Variants in TBCCD1 observed in about 807,000 individuals in gnomAD.
TBCCD1 encodes the protein TBCC domain-containing protein 1.
TBCCD1 carries 26 observed loss-of-function variants against 53.4 expected under a neutral mutation model. The ratio of observed to expected loss-of-function variants is 0.49; its 90% CI spans 0.36 to 0.68. The LOEUF (loss-of-function observed/expected upper bound fraction) is 0.68, where lower values mean the gene tolerates loss of function less well. Ranked by LOEUF, TBCCD1 falls within the 30% of genes least tolerant of loss-of-function variation. The pLI is 0.00. For synonymous variants in TBCCD1, 245 were observed against 241.7 expected (o/e 1.01, Z -0.13); for missense variants, 558 against 669.5 (o/e 0.83, Z 1.84).
chr3:186,554,960 C>T lies in TBCCD1; in HGVS notation c.984G>A (p.Ala328=), dbSNP rs1317670508. ...QTLAKSSDTL[A]GAHVKIHRCN... is the part of the protein sequence containing the mutation. The stretch of plus-strand genomic sequence containing the variant: ...AACGATGAATCTTTACATGTGCCCC[C>T]GCCAGAGTGTCTGAGCTCTTAGCCA... The change falls in exon 5 of 8, where the codon GCG becomes GCA. Residue 328 remains alanine, a synonymous_variant. Coordinates refer to ENST00000338733, the MANE Select transcript of TBCCD1 (RefSeq NM_018138.5). 6.2e-7 allele frequency: 1 copy of T among 1,613,852 alleles called. No homozygotes were observed. Among genetic ancestry groups the T allele is most frequent in the Non-Finnish European group, 8.5e-7 (1 of 1,180,012 alleles).
chr3:186,554,032 G>C (rs1437529057), intron 6 of TBCCD1, among the ~76,000 whole-genome samples: 1 of 152,170 alleles, frequency 6.6e-6, no homozygotes, highest in Admixed American at 6.5e-5. Context: ...ATTTTTAGTA[G>C]AGACGGGGTT....
At chr3:186,560,148 C>T (rs1028733623) in intron 2 of TBCCD1, among the ~76,000 whole-genome samples, 1 of 132,048 alleles carries the variant, frequency 7.6e-6, no homozygotes, top group Non-Finnish European at 1.6e-5. Context: ...CTATAGGATC[C>T]TTGCCTTTTC....
At chr3:186,555,492 T>C (rs926050147) in intron 4 of TBCCD1, among the ~76,000 whole-genome samples, 3 of 152,200 alleles carry the variant, frequency 2.0e-5, no homozygotes, top group Admixed American at 2.0e-4. Context: ...TAAATTACCA[T>C]AATATTAATT....
upstream of TBCCD1, chr3:186,570,007 C>T: frequency 1.2e-5 from 7 of 587,726 alleles, no homozygotes; most frequent in South Asian, 3.9e-5. Context: ...GATTTTTTTC[C>T]CTGTTAAAAT....
At chr3:186,557,486 AT>A (rs1189052195) in intron 3 of TBCCD1, among the ~76,000 whole-genome samples, 1 of 152,220 alleles carries the variant, frequency 6.6e-6, no homozygotes, top group African/African-American at 2.4e-5. Context: ...AACATTCTGA[AT>A]TTAAGCTATA....
Position 186,556,521 on chromosome 3 carries a change from C to T in TBCCD1, c.747G>A (p.Lys249=). ...HADSGFSKIS[K]TFSFYKLETW... ...TTTCCAGTTTGTAGAAAGAGAAAGT[C>T]TTAGAGATCTTTGAGAAGCCACTAT... Residue 249 remains lysine (K), a synonymous_variant, in exon 4 of 8, where the codon AAG becomes AAA. Transcript: ENST00000338733. 6.2e-7 allele frequency: 1 copy of T among 1,612,862 alleles called. No homozygotes were observed. The highest frequency in any genetic ancestry group is 8.5e-7 in the Non-Finnish European group (1 of 1,179,778).
intron 7 of TBCCD1, among the ~76,000 whole-genome samples, chr3:186,549,198 G>A (rs1021358260): frequency 4.6e-5 from 7 of 152,144 alleles, no homozygotes; most frequent in Non-Finnish European, 1.0e-4. Context: ...TGAGACAGGA[G>A]AATCACTTGA....
upstream of TBCCD1, chr3:186,567,445 C>G (rs984434980): frequency 8.5e-5 from 13 of 152,150 alleles, no homozygotes; most frequent in African/African-American, 2.6e-4. Flanking sequence ...GATTGCGGCT[C>G]AAGCGTCTGA....
intron 7 of TBCCD1, among the ~76,000 whole-genome samples, chr3:186,550,085 G>C (rs1258505399): frequency 6.6e-6 from 1 of 151,910 alleles, no homozygotes; most frequent in Non-Finnish European, 1.5e-5. Context: ...AAATTAGCTG[G>C]GCACGGTGGT....
chr3:186,560,530 T>C (rs1445017568), intron 2 of TBCCD1, among the ~76,000 whole-genome samples: 1 of 152,234 alleles, frequency 6.6e-6, no homozygotes, highest in Non-Finnish European at 1.5e-5. Flanking sequence ...TCTTTATCAC[T>C]TTCAAGCCTA....
At chr3:186,568,770 G>A (rs909532924), upstream of TBCCD1, among the ~76,000 whole-genome samples, 3 of 152,214 alleles carry the variant, frequency 2.0e-5, no homozygotes, top group African/African-American at 4.8e-5. Flanking sequence ...GGACATGGTG[G>A]TGTGCGCCTG....
At chr3:186,564,472 C>G (rs943948885) in intron 1 of TBCCD1, 100 bp from the exon 2 acceptor site, 2 of 711,450 alleles carry the variant, frequency 2.8e-6, no homozygotes, top group Admixed American at 6.6e-5. Flanking sequence ...GTCATATGTA[C>G]TACATCATCA....
At chr3:186,548,843 G>C (rs1008673153) in intron 7 of TBCCD1, among the ~76,000 whole-genome samples, 1 of 152,078 alleles carries the variant, frequency 6.6e-6, no homozygotes, top group Non-Finnish European at 1.5e-5. Context: ...AAAACAAAGA[G>C]AGTAGATTTT....
At chr3:186,566,373 T>G (rs1002288498) in intron 1 of TBCCD1, among the ~76,000 whole-genome samples, 2 of 152,192 alleles carry the variant, frequency 1.3e-5, no homozygotes, top group African/African-American at 2.4e-5. Flanking sequence ...AATCATCTGT[T>G]CGGAAAAATA....
At chr3:186,555,266 T>TA (rs1353686055) in intron 4 of TBCCD1, among the ~76,000 whole-genome samples, 182 bp from the exon 5 acceptor site, 1 of 152,216 alleles carries the variant, frequency 6.6e-6, no homozygotes, top group Non-Finnish European at 1.5e-5. Flanking sequence ...TTCCTTTCTG[T>TA]ATGTTTGGAA....
At chr3:186,559,435 G>A (rs993005447) in intron 2 of TBCCD1, among the ~76,000 whole-genome samples, 1 of 152,130 alleles carries the variant, frequency 6.6e-6, no homozygotes, top group Non-Finnish European at 1.5e-5. Flanking sequence ...AAACACTGTT[G>A]GTCTGATAGA....
At chr3:186,570,444 G>A, upstream of TBCCD1, 1 of 484,612 alleles carries the variant, frequency 2.1e-6, no homozygotes, top group Non-Finnish European at 3.6e-6. Context: ...TGTACCTCAG[G>A]TGCCCTCACT....
chr3:186,556,319 G>C (rs576152217), intron 4 of TBCCD1, 90 bp downstream of exon 4: 2 of 1,438,194 alleles, frequency 1.4e-6, no homozygotes, highest in African/African-American at 3.0e-5. Flanking sequence ...AGGTCTTCTA[G>C]AGAAGACACG....
intron 3 of TBCCD1, 118 bp from the exon 4 acceptor site, chr3:186,556,893 G>T: frequency 1.6e-6 from 2 of 1,286,348 alleles, no homozygotes; most frequent in South Asian, 1.5e-5. Context: ...GAATTAGGTA[G>T]TTATATAAAC....
Sources: allele counts gnomAD v4.1 joint callset (sites outside exome capture counted in the v4.1 genomes callset), GRCh38; gene constraint gnomAD v4.1.1; transcripts MANE v1.5; gene names NCBI Gene and HGNC (gene_info 2026-07-23, HGNC 2026-07-21).